The following DAAM2 variants were observed in gnomAD, a reference collection of about 807,000 sequenced individuals.
DAAM2 encodes the protein disheveled-associated activator of morphogenesis 2.
A neutral mutation model predicts 120.7 loss-of-function variants in DAAM2; 39 were observed. The observed-to-expected ratio is 0.32, with a 90% CI of 0.25 to 0.42. The LOEUF (loss-of-function observed/expected upper bound fraction) is 0.42. DAAM2 is among the 10% of genes least tolerant of loss of function. The probability of loss-of-function intolerance (pLI) is 1.00; values close to 1 mark genes in which losing one functional copy is unlikely to be tolerated. For missense variants in DAAM2, 1,283 were observed against 1,401.7 expected, an observed-to-expected ratio of 0.92 and a Z score of 1.35; for synonymous variants, 488 against 524.9, an observed-to-expected ratio of 0.93 and a Z score of 0.96.
At chr6:39,893,569 C>CTG (rs1438376035) in intron 19 of DAAM2, among the ~76,000 whole-genome samples, 1 of 151,974 alleles carries the variant, frequency 6.6e-6, no homozygotes, top group African/African-American at 2.4e-5. Context: ...AAAGAGTCTC[C>CTG]ATTTGATATC....
At chr6:39,810,670 T>C (rs986134440) in intron 1 of DAAM2, among the ~76,000 whole-genome samples, 2 of 152,202 alleles carry the variant, frequency 1.3e-5, no homozygotes, top group African/African-American at 4.8e-5. Context: ...GGGACAAATG[T>C]GTCTCGGTCC....
intron 8 of DAAM2, 26 bp downstream of exon 8, chr6:39,870,469 T>C: frequency 7.0e-7 from 1 of 1,427,360 alleles, no homozygotes; most frequent in East Asian, 2.4e-5. Context: ...CCGTCTCCAT[T>C]GCAAACCTGT....
intron 1 of DAAM2, among the ~76,000 whole-genome samples, chr6:39,804,142 A>T (rs1255417107): frequency 2.0e-5 from 3 of 152,168 alleles, no homozygotes; most frequent in African/African-American, 7.2e-5. Context: ...TCCTCTGTTT[A>T]TGGGAAGAGT....
At chr6:39,814,430 C>T (rs928413641) in intron 1 of DAAM2, among the ~76,000 whole-genome samples, 3 of 152,208 alleles carry the variant, frequency 2.0e-5, no homozygotes, top group Non-Finnish European at 4.4e-5. Flanking sequence ...ACAGATGGAG[C>T]TCTGATGCCT....
rs1325578296 is a variant in DAAM2 at position 39,896,947 on chromosome 6, A to G, written c.2477A>G (p.Asn826Ser). The G allele has an allele frequency of 1.9e-6, 3 of 1,612,696 alleles. No individual in the cohort carries two copies. Among genetic ancestry groups the G allele is most frequent in the South Asian group, 2.2e-5 (2 of 90,878 alleles). ...TACGGGTTCCGGGTGGCCAGCCTCAACAAGATCGCTGACACCAAGTCCAGC... is the reference window on the plus strand; with the variant it reads ...TACGGGTTCCGGGTGGCCAGCCTCAGCAAGATCGCTGACACCAAGTCCAGC... ...GAYGFRVASL[N>S]KIADTKSSID... Residue 826 changes from asparagine to serine, a missense_variant, in exon 20 of 25, where the codon AAC becomes AGC. By Grantham distance (46) the Asn-to-Ser change is conservative. Transcript: ENST00000274867.
At chr6:39,816,934 C>T (rs1184192085) in intron 1 of DAAM2, among the ~76,000 whole-genome samples, 2 of 152,218 alleles carry the variant, frequency 1.3e-5, no homozygotes, top group Non-Finnish European at 2.9e-5. Context: ...CTCATCATCA[C>T]ATTTCTTTTG....
intron 1 of DAAM2, among the ~76,000 whole-genome samples, chr6:39,816,126 G>A (rs543654288): frequency 6.6e-6 from 1 of 152,336 alleles, no homozygotes; most frequent in African/African-American, 2.4e-5. Flanking sequence ...ATAGGTATAT[G>A]AATCACACGT....
chr6:39,844,404 G>A (rs1258466897), intron 1 of DAAM2, among the ~76,000 whole-genome samples: 1 of 151,698 alleles, frequency 6.6e-6, no homozygotes, highest in Non-Finnish European at 1.5e-5. Flanking sequence ...CCCACCCAGA[G>A]CTAAATCGAA....
chr6:39,857,794 T>A (rs187383360), intron 2 of DAAM2, among the ~76,000 whole-genome samples: 5 of 152,192 alleles, frequency 3.3e-5, no homozygotes, highest in Admixed American at 2.6e-4. Flanking sequence ...GAACAATATT[T>A]CTTGGAGAGA....
intron 1 of DAAM2, among the ~76,000 whole-genome samples, chr6:39,836,764 T>G (rs1371025580): frequency 6.6e-6 from 1 of 152,204 alleles, no homozygotes; most frequent in Non-Finnish European, 1.5e-5. Flanking sequence ...CACCCTAGAT[T>G]TGGGGGAAAG....
chr6:39,901,233 CT>C lies in DAAM2; in HGVS notation c.2812-68del, dbSNP rs1239655060. 20 of 1,475,408 alleles carry C rather than the reference CT, an allele frequency of 1.4e-5. No homozygotes were observed. The highest frequency in any genetic ancestry group is 1.7e-5 in the Non-Finnish European group (18 of 1,072,720). The allele number at this position is 1,475,408 out of a possible 1,614,324, so 91.4% of individuals were successfully genotyped here. ...GGGCTCTGCTCTGGCTAGAACCCAGCTAACCTCAGGGGCTGAGCCCAGCATG... is the reference window on the plus strand; with the variant it reads ...GGGCTCTGCTCTGGCTAGAACCCAGCAACCTCAGGGGCTGAGCCCAGCATG... On this transcript the variant is annotated intron_variant, in intron 23 of 24. Transcript: ENST00000274867. This position sits in a 1 kb window ranked among gnomAD's most constrained non-coding sequence, Gnocchi z 4.5.
At chr6:39,794,777 T>C (rs946126592) in intron 1 of DAAM2, among the ~76,000 whole-genome samples, 2 of 152,134 alleles carry the variant, frequency 1.3e-5, no homozygotes, top group African/African-American at 4.8e-5. Context: ...AGAGAAAGCA[T>C]AGAGATAATG....
intron 2 of DAAM2, among the ~76,000 whole-genome samples, chr6:39,856,791 G>T (rs2504806): frequency 0.57 from 87,201 of 152,086 alleles, 25,057 homozygotes; most frequent in Middle Eastern, 0.68. Context: ...ACATCTCAAA[G>T]AACATCAGAA....
chr6:39,849,529 C>T (rs1763728040), intron 1 of DAAM2, among the ~76,000 whole-genome samples: 2 of 152,106 alleles, frequency 1.3e-5, no homozygotes, highest in African/African-American at 4.8e-5. Context: ...ATTATATTTC[C>T]CCTGTTTTAT....
In DAAM2 at chr6:39,834,989, C is replaced by A. The variant is rs146218698; in HGVS notation, c.-56-21258C>A. Among the ~76,000 whole-genome samples, 149 of 152,354 alleles carry A rather than the reference C, an allele frequency of 9.8e-4. No homozygotes were observed. The Middle Eastern group carries it at 0.01, about 10-fold the overall frequency. On this transcript the variant is annotated intron_variant, in intron 1 of 24. Transcript: ENST00000274867. ...TGTCAATAGCCAGCGGTATTAGGTG[C>A]CTCTCTCCACCCACACCACAATGCC... is the stretch of plus-strand genomic sequence containing the variant.
chr6:39,850,596 C>T lies in DAAM2; in HGVS notation c.-56-5651C>T, dbSNP rs146498285. ...TGAATGAGACACTACTGTCCTCAAACGTAGCCCTTTCACTTCTAAAACTTG... is the reference window on the plus strand; with the variant it reads ...TGAATGAGACACTACTGTCCTCAAATGTAGCCCTTTCACTTCTAAAACTTG... On this transcript the variant is annotated intron_variant, in intron 1 of 24. Coordinates refer to ENST00000274867, the MANE Select transcript of DAAM2 (RefSeq NM_001201427.2). Among the ~76,000 whole-genome samples the T allele has an allele frequency of 3.6e-3, 553 of 152,292 alleles. 2 individuals carry two copies. Among genetic ancestry groups the T allele is most frequent in the Middle Eastern group, 6.8e-3 (2 of 294 alleles).
chr6:39,809,939 C>G (rs2987602), intron 1 of DAAM2, among the ~76,000 whole-genome samples: 67,559 of 152,092 alleles, frequency 0.44, 16,238 homozygotes, highest in South Asian at 0.58. Flanking sequence ...CTCCCTCTCT[C>G]TCTCTCTTCT....
At chr6:39,894,095 C>T (rs1040439067) in intron 19 of DAAM2, among the ~76,000 whole-genome samples, 1 of 151,948 alleles carries the variant, frequency 6.6e-6, no homozygotes, top group Admixed American at 6.6e-5. Flanking sequence ...ATACATTCAC[C>T]GAATATAGTC....
At chr6:39,868,186 A>C (rs1764508077) in intron 6 of DAAM2, 1 of 317,364 alleles carries the variant, frequency 3.2e-6, no homozygotes, top group Non-Finnish European at 6.0e-6. Flanking sequence ...TCAGTCAAGA[A>C]TTACTGAATT....
Sources: allele counts gnomAD v4.1 joint callset (sites outside exome capture counted in the v4.1 genomes callset), GRCh38; gene constraint gnomAD v4.1.1; non-coding constraint Gnocchi (gnomAD v3.1); transcripts MANE v1.5; gene names NCBI Gene and HGNC (gene_info 2026-07-23, HGNC 2026-07-21).